Variants in TTC3 observed in about 807,000 individuals in gnomAD.
The protein encoded by TTC3 is E3 ubiquitin-protein ligase TTC3.
TTC3 carries 180 observed loss-of-function variants against 249.6 expected under a neutral mutation model. The ratio of observed to expected loss-of-function variants is 0.72; its 90% CI spans 0.64 to 0.82. TTC3 has a LOEUF of 0.82. Among genes scored for constraint, TTC3 ranks in the 40% least tolerant of loss-of-function variants. TTC3 has a pLI of 0.00. For synonymous variants in TTC3, 717 were observed against 805.0 expected, an observed-to-expected ratio of 0.89 and a Z score of 1.85; for missense variants, 2,061 against 2,398.4, an observed-to-expected ratio of 0.86 and a Z score of 2.94.
Position 37,159,747 on chromosome 21 carries a change from T to C in TTC3, c.3039+2T>C, listed in dbSNP as rs780968419. The C allele has an allele frequency of 5.1e-6, 8 of 1,574,374 alleles. No homozygotes were observed. Among genetic ancestry groups the C allele is most frequent in the African/African-American group, 1.6e-5 (1 of 62,116 alleles). ...AAACAAGATAGTGGTGAAGCACCGG[T>C]AAGTTACTTGGATCACTTGAATCTT... is the stretch of plus-strand genomic sequence containing the variant. On this transcript the variant is annotated splice_donor_variant, in intron 29 of 45. Transcript: ENST00000355666. LOFTEE classifies it high-confidence loss of function.
At chr21:37,090,154 T>TTTA (rs2073060794) in intron 5 of TTC3, 79 bp from the exon 6 acceptor site, 1 of 1,079,244 alleles carries the variant, frequency 9.3e-7, no homozygotes, top group African/African-American at 1.6e-5. Context: ...GTTCCTAAAA[T>TTTA]GTAGGCCATT....
chr21:37,083,209 T>G (rs1568851984), intron 1 of TTC3: 2 of 985,370 alleles, frequency 2.0e-6, no homozygotes, highest in East Asian at 2.3e-4. Flanking sequence ...AGAATAAGTT[T>G]TGTTTAGGAA....
chr21:37,166,328 G>A, exon 33 of TTC3: 1 of 1,614,060 alleles, frequency 6.2e-7, no homozygotes, highest in Non-Finnish European at 8.5e-7. Context: ...GCCGTCTTTT[G>A]TAGCCAATGA....
At chr21:37,131,794 C>T (rs184055468) in intron 16 of TTC3, among the ~76,000 whole-genome samples, 4 of 152,224 alleles carry the variant, frequency 2.6e-5, no homozygotes, top group South Asian at 2.1e-4. Flanking sequence ...TGAATTGATA[C>T]GGAAAAATGA....
chr21:37,200,729 T>C (rs1450674969), intron 45 of TTC3, among the ~76,000 whole-genome samples: 2 of 152,246 alleles, frequency 1.3e-5, no homozygotes, highest in African/African-American at 4.8e-5. Flanking sequence ...GAGTCCCTTC[T>C]GCCTGACCCA....
intron 28 of TTC3, chr21:37,159,498 G>GT: frequency 1.8e-6 from 1 of 567,204 alleles, no homozygotes; most frequent in South Asian, 2.3e-5. Flanking sequence ...TCAGATTGAA[G>GT]TTTTATGGTT....
chr21:37,145,103 T>C (rs2078869464), intron 21 of TTC3, among the ~76,000 whole-genome samples: 1 of 152,218 alleles, frequency 6.6e-6, no homozygotes, highest in Non-Finnish European at 1.5e-5. Flanking sequence ...GAGATGGTAC[T>C]TGAAGATTTA....
At chr21:37,148,504 A>G (rs754837840) in intron 22 of TTC3, 42 bp from the exon 23 acceptor site, 22 of 1,104,880 alleles carry the variant, frequency 2.0e-5, no homozygotes, top group Non-Finnish European at 2.7e-5. Flanking sequence ...GTGTGCAGAG[A>G]CATCTTTAAA....
At chr21:37,164,761 G>T (rs1170972148) in intron 32 of TTC3, among the ~76,000 whole-genome samples, 1 of 152,214 alleles carries the variant, frequency 6.6e-6, no homozygotes, top group Non-Finnish European at 1.5e-5. Flanking sequence ...ATCTCAGATA[G>T]CTTACCATTT....
intron 15 of TTC3, among the ~76,000 whole-genome samples, chr21:37,128,163 C>T (rs1482377157): frequency 6.6e-6 from 1 of 152,200 alleles, no homozygotes; most frequent in Admixed American, 6.5e-5. Context: ...CCCAGGCTCT[C>T]ATTCCCTCCT....
chr21:37,194,119 A>G (rs2084566048), intron 41 of TTC3, among the ~76,000 whole-genome samples: 1 of 152,216 alleles, frequency 6.6e-6, no homozygotes, highest in Non-Finnish European at 1.5e-5. Flanking sequence ...GCTGTGTTAC[A>G]GCAGCTTAGA....
chr21:37,199,756 C>G (rs1197090366), intron 44 of TTC3, among the ~76,000 whole-genome samples: 1 of 152,176 alleles, frequency 6.6e-6, no homozygotes, highest in East Asian at 1.9e-4. Context: ...TACATGTTGT[C>G]TTGTTAGCTG....
rs776358688 is a variant in TTC3 at position 37,165,750 on chromosome 21, A to G, written c.3536A>G (p.Lys1179Arg). 3 of 1,613,524 alleles carry G rather than the reference A, an allele frequency of 1.9e-6. No individual in the cohort carries two copies. In the East Asian group the frequency reaches 6.7e-5, roughly 36 times the overall value. ...CTGAAGAAGGTTGCATCACGGCTCA[A>G]GAAAAAAAGGAAGAAGAAAAACATT... The change falls in exon 33 of 46, where the codon AAG (lysine) becomes AGG (arginine). Residue 1179 changes from lysine (K) to arginine (R), a missense_variant. Physicochemically the swap from Lys to Arg is conservative, Grantham distance 26. Transcript: ENST00000355666.
chr21:37,113,302 C>A (rs1384942837), intron 11 of TTC3, among the ~76,000 whole-genome samples: 3 of 152,192 alleles, frequency 2.0e-5, no homozygotes, highest in African/African-American at 7.2e-5. Flanking sequence ...ATCGTCTCAG[C>A]CCAAAATCTC....
chr21:37,189,236 ATC>A (rs1251534932), intron 39 of TTC3, among the ~76,000 whole-genome samples: 2 of 151,982 alleles, frequency 1.3e-5, no homozygotes, highest in Non-Finnish European at 1.5e-5. Context: ...TCTCCACATA[ATC>A]TCTACCTGTT....
intron 10 of TTC3, among the ~76,000 whole-genome samples, chr21:37,097,044 TGTTA>T (rs2074012164): frequency 6.6e-6 from 1 of 152,220 alleles, no homozygotes. Context: ...CTTTATGCTC[TGTTA>T]ATTAATCCAT....
chr21:37,138,047 T>C (rs567084107), intron 18 of TTC3, among the ~76,000 whole-genome samples: 2 of 152,264 alleles, frequency 1.3e-5, no homozygotes, highest in East Asian at 3.9e-4. Context: ...TTAAAAAAAG[T>C]TTAAAAAAAG....
chr21:37,166,651 A>G, intron 33 of TTC3, 36 bp downstream of exon 33: 1 of 1,538,440 alleles, frequency 6.5e-7, no homozygotes, highest in South Asian at 1.3e-5. Flanking sequence ...TTAATACTGA[A>G]GTTAAATTTT....
chr21:37,140,429 T>C, intron 19 of TTC3, 132 bp from the exon 20 acceptor site: 2 of 580,648 alleles, frequency 3.4e-6, no homozygotes, highest in Non-Finnish European at 5.8e-6. Flanking sequence ...CACAGAGGTA[T>C]AATTTTGCCA....
Sources: allele counts gnomAD v4.1 joint callset (sites outside exome capture counted in the v4.1 genomes callset), GRCh38; gene constraint gnomAD v4.1.1; transcripts MANE v1.5; gene names NCBI Gene and HGNC (gene_info 2026-07-23, HGNC 2026-07-21).